C2orf76: variants seen among roughly 807,000 people sequenced by gnomAD.
C2orf76 encodes UPF0538 protein C2orf76.
C2orf76 carries 23 observed loss-of-function variants against 16.9 expected under a neutral mutation model. That is an observed-to-expected ratio of 1.36 (90% CI 0.98 to 1.93). The LOEUF is 1.93. Among genes scored for constraint, C2orf76 ranks in the 30% most tolerant of loss-of-function variants. The pLI is 0.00. For missense variants in C2orf76, 152 were observed against 152.6 expected (o/e 1.00, Z 0.02); for synonymous variants, 48 against 52.3 (o/e 0.92, Z 0.35).
intron 1 of C2orf76, among the ~76,000 whole-genome samples, chr2:119,362,078 C>T (rs1448429482): frequency 1.3e-5 from 2 of 152,176 alleles, no homozygotes; most frequent in Non-Finnish European, 2.9e-5. Flanking sequence ...CCTTCCTCTT[C>T]CTCCTCAGCC....
At chr2:119,282,936 T>G in the C2orf76 span, among the ~76,000 whole-genome samples, 1 of 152,198 alleles carries the variant, frequency 6.6e-6, no homozygotes, top group Non-Finnish European at 1.5e-5. Flanking sequence ...AACATGCTCG[T>G]CCTTGGGAGA....
the C2orf76 span, among the ~76,000 whole-genome samples, chr2:119,290,742 C>A: frequency 0.63 from 96,284 of 151,920 alleles, 30,956 homozygotes; most frequent in African/African-American, 0.67. Flanking sequence ...AGACAGGAGA[C>A]TCGCTTGAAC....
the C2orf76 span, among the ~76,000 whole-genome samples, chr2:119,288,976 A>G: frequency 6.6e-6 from 1 of 152,002 alleles, no homozygotes; most frequent in African/African-American, 2.4e-5. Context: ...TTCAGGGAAA[A>G]CCGAAATAAT....
rs114733486 is a variant in C2orf76 at position 119,336,625 on chromosome 2, G to T, written c.133+3202C>A. Among the ~76,000 whole-genome samples, 613 of 152,070 alleles carry T rather than the reference G, an allele frequency of 4.0e-3. 4 individuals carry two copies. Among genetic ancestry groups the T allele is most frequent in the African/African-American group, 0.011 (465 of 41,498 alleles). ...GGTTAACCTGTGGATGGCAAAACAT[G>T]ACTACGAAAGAAAAGAACATTTAGA... On this transcript the variant is annotated intron_variant, in intron 2 of 5. Coordinates refer to ENST00000334816, the MANE Select transcript of C2orf76 (RefSeq NM_001322331.2).
chr2:119,330,948 A>G (rs756891570), intron 2 of C2orf76, among the ~76,000 whole-genome samples: 1 of 152,130 alleles, frequency 6.6e-6, no homozygotes, highest in Non-Finnish European at 1.5e-5. Flanking sequence ...ACATTTTGCA[A>G]TATGGTCATA....
At chr2:119,295,016 G>T in the C2orf76 span, among the ~76,000 whole-genome samples, 1 of 152,154 alleles carries the variant, frequency 6.6e-6, no homozygotes, top group African/African-American at 2.4e-5. Context: ...CAGAGAAATG[G>T]AAAGTCAGGA....
the C2orf76 span, among the ~76,000 whole-genome samples, chr2:119,290,691 G>A: frequency 7.2e-5 from 11 of 152,040 alleles, no homozygotes; most frequent in South Asian, 2.1e-3. Flanking sequence ...TTAGCCTGGC[G>A]TGGCATTGCA....
At chr2:119,299,401 T>C (rs908553092), downstream of C2orf76, among the ~76,000 whole-genome samples, 2 of 152,266 alleles carry the variant, frequency 1.3e-5, no homozygotes, top group Non-Finnish European at 2.9e-5. Flanking sequence ...TTTTTTCTCC[T>C]ATATAGATTT....
the C2orf76 span, among the ~76,000 whole-genome samples, chr2:119,293,526 C>T: frequency 1.3e-5 from 2 of 152,284 alleles, no homozygotes; most frequent in African/African-American, 4.8e-5. Context: ...CTAGAAGAAT[C>T]ACTGTGATGG....
downstream of C2orf76, among the ~76,000 whole-genome samples, chr2:119,301,149 A>C (rs1381194090): frequency 6.6e-6 from 1 of 151,338 alleles, no homozygotes; most frequent in East Asian, 1.9e-4. Flanking sequence ...TTTTTCTGCT[A>C]TTCTTAAAAT....
At chr2:119,285,998 C>T in the C2orf76 span, among the ~76,000 whole-genome samples, 4,091 of 152,036 alleles carry the variant, frequency 0.027, 88 homozygotes, top group East Asian at 0.13. Flanking sequence ...GAGGCCAAGG[C>T]GGGCGGATCA....
chr2:119,353,416 A>T (rs796123375), intron 1 of C2orf76, among the ~76,000 whole-genome samples: 4 of 152,358 alleles, frequency 2.6e-5, no homozygotes, highest in African/African-American at 9.6e-5. Flanking sequence ...TTGCATTTTA[A>T]TCTACTCTGG....
the C2orf76 span, among the ~76,000 whole-genome samples, chr2:119,284,940 T>A: frequency 1.3e-5 from 2 of 152,180 alleles, no homozygotes; most frequent in African/African-American, 2.4e-5. Context: ...TTAGGCAAAT[T>A]AACCTGTCTG....
intron 2 of C2orf76, among the ~76,000 whole-genome samples, chr2:119,329,708 C>T (rs1304122672): frequency 6.6e-6 from 1 of 152,018 alleles, no homozygotes; most frequent in Non-Finnish European, 1.5e-5. Flanking sequence ...GGTCTACCTC[C>T]AAATGATACT....
intron 1 of C2orf76, among the ~76,000 whole-genome samples, chr2:119,342,969 C>G (rs947618709): frequency 6.6e-6 from 1 of 152,084 alleles, no homozygotes; most frequent in African/African-American, 2.4e-5. Flanking sequence ...GGGGTTTCAC[C>G]ATGTTGGCCA....
the C2orf76 span, among the ~76,000 whole-genome samples, chr2:119,286,381 G>A: frequency 2.0e-5 from 3 of 152,092 alleles, no homozygotes; most frequent in Non-Finnish European, 4.4e-5. Context: ...AGGACAAGAT[G>A]GTCCTTGGTT....
At chr2:119,283,934 G>T in the C2orf76 span, among the ~76,000 whole-genome samples, 1 of 152,180 alleles carries the variant, frequency 6.6e-6, no homozygotes, top group Non-Finnish European at 1.5e-5. Context: ...GAGCACACAA[G>T]CAAGTCCCAT....
chr2:119,348,737 G>C (rs1471940871), intron 1 of C2orf76, among the ~76,000 whole-genome samples: 1 of 151,788 alleles, frequency 6.6e-6, no homozygotes, highest in East Asian at 1.9e-4. Context: ...GCTCACACTT[G>C]TAATGCCAGC....
chr2:119,328,039 T>C (rs1422207782), intron 2 of C2orf76, among the ~76,000 whole-genome samples: 1 of 151,790 alleles, frequency 6.6e-6, no homozygotes, highest in Non-Finnish European at 1.5e-5. Context: ...CTTTTTTTTT[T>C]CTTAAGAGAC....
Sources: allele counts gnomAD v4.1 joint callset (sites outside exome capture counted in the v4.1 genomes callset), GRCh38; gene constraint gnomAD v4.1.1; transcripts MANE v1.5; gene names NCBI Gene and HGNC (gene_info 2026-07-23, HGNC 2026-07-21).